Variants in DUSP4 observed in about 807,000 individuals in gnomAD.
DUSP4 encodes dual specificity protein phosphatase 4.
DUSP4 carries 12 observed loss-of-function variants against 27.2 expected under a neutral mutation model. The ratio of observed to expected loss-of-function variants is 0.44; its 90% CI spans 0.28 to 0.71. The LOEUF (loss-of-function observed/expected upper bound fraction) is 0.71, where lower values mean the gene tolerates loss of function less well. DUSP4 is among the 30% of genes least tolerant of loss of function. DUSP4 has a pLI of 0.14. For synonymous variants in DUSP4, 257 were observed against 245.2 expected, an observed-to-expected ratio of 1.05 and a Z score of -0.45; for missense variants, 448 against 551.3, an observed-to-expected ratio of 0.81 and a Z score of 1.88.
chr8:29,334,809 T>G lies in DUSP4; in HGVS notation c.*2217A>C, dbSNP rs1817545876. The G allele has an allele frequency of 6.6e-6, 1 of 152,224 alleles. No homozygotes were observed. Among genetic ancestry groups the G allele is most frequent in the Non-Finnish European group, 1.5e-5 (1 of 68,038 alleles). 9.4% of individuals were successfully genotyped at this position (152,224 alleles called of 1,614,324 possible). A position where few individuals can be genotyped will look rare whatever the true frequency, so the allele number is the denominator to read the frequency against. On this transcript the variant is annotated 3_prime_UTR_variant, in exon 4 of 4. Coordinates refer to ENST00000240100, the MANE Select transcript of DUSP4 (RefSeq NM_001394.7). The stretch of plus-strand genomic sequence containing the variant: ...ATTGTCTGGGAACTGAAACCCTCCA[T>G]GCTTCACCCTGAACTGTTATTTCTA...
At position 29,350,286 on chromosome 8, in the gene DUSP4, G is replaced by A. The variant is rs760791044; in HGVS notation, c.-8C>T. 3.9e-5 allele frequency: 61 copies of A among 1,560,422 alleles called. No individual in the cohort carries two copies. Among genetic ancestry groups the A allele is most frequent in the Non-Finnish European group, 5.0e-5 (58 of 1,153,762 alleles). ...CTCCTCCATCGTCACCATGGTCGCC[G>A]GGAACCGAGGCGGCTGGGCGCGCGA... On this transcript the variant is annotated 5_prime_UTR_variant, in exon 1 of 4. Transcript: ENST00000240100.
rs565113220 is a variant in DUSP4, at chr8:29,340,381, C to T, written c.434-138G>A. 30 of 1,103,710 alleles carry T rather than the reference C, an allele frequency of 2.7e-5. No individual in the cohort carries two copies. In the African/African-American group the frequency reaches 4.1e-4, roughly 15 times the overall value. The allele number at this position is 1,103,710 out of a possible 1,614,324, so 68.4% of individuals were successfully genotyped here. A position where few individuals can be genotyped will look rare whatever the true frequency, so the allele number is the denominator to read the frequency against. ...GCTCCATATTGGCCACTAGGTGGCG[C>T]TGTGGACCTAGAGAATGGCCATGGA... On this transcript the variant is annotated intron_variant, in intron 1 of 3. Transcript: ENST00000240100.
In DUSP4 at chr8:29,335,819, C is replaced by T. The variant is rs1393749402; in HGVS notation, c.*1207G>A. ...TTAGTGTAATATGGCATATTGATCA[C>T]AGACGATAGACAAGTCTTAGGCAGG... On this transcript the variant is annotated 3_prime_UTR_variant, in exon 4 of 4. Transcript: ENST00000240100. The T allele has an allele frequency of 6.6e-6, 1 of 152,216 alleles. No individual in the cohort carries two copies. The highest frequency in any genetic ancestry group is 1.5e-5 in the Non-Finnish European group (1 of 68,042). The allele number at this position is 152,216 out of a possible 1,614,324, so 9.4% of individuals were successfully genotyped here. A position where few individuals can be genotyped will look rare whatever the true frequency, so the allele number is the denominator to read the frequency against.
At chr8:29,347,966 C>A in intron 1 of DUSP4, 1 of 985,514 alleles carries the variant, frequency 1.0e-6, no homozygotes, top group Non-Finnish European at 1.2e-6. Flanking sequence ...CCCTCTCTCC[C>A]CGGGAGCGGG....
chr8:29,339,832 C>A (rs971184655), intron 2 of DUSP4, among the ~76,000 whole-genome samples: 7 of 136,636 alleles, frequency 5.1e-5, no homozygotes, highest in South Asian at 2.8e-4. Context: ...AGCAAGACCC[C>A]CCCCCCCCAT....
chr8:29,345,236 G>T, intron 1 of DUSP4: 1 of 1,074,756 alleles, frequency 9.3e-7, no homozygotes, highest in Non-Finnish European at 1.4e-6. Context: ...GAAAAGTCAT[G>T]CTCTTGCAAG....
rs1170845625 is a variant in DUSP4 at position 29,333,765 on chromosome 8, A to G, written c.*3261T>C. The G allele has an allele frequency of 7.9e-5, 12 of 152,272 alleles. No homozygotes were observed. Among genetic ancestry groups the G allele is most frequent in the Non-Finnish European group, 4.4e-5 (3 of 68,062 alleles). 9.4% of individuals were successfully genotyped at this position (152,272 alleles called of 1,614,324 possible). Reference sequence around the variant, plus strand: ...ACTGGTCTAGGAGAGCCTGGGTATCAGAACTGTATAAGTTCCCCAAGTAAT... The same window carrying G: ...ACTGGTCTAGGAGAGCCTGGGTATCGGAACTGTATAAGTTCCCCAAGTAAT... On this transcript the variant is annotated 3_prime_UTR_variant, in exon 4 of 4. Coordinates refer to ENST00000240100, the MANE Select transcript of DUSP4 (RefSeq NM_001394.7).
intron 1 of DUSP4, chr8:29,345,742 T>C: frequency 7.5e-7 from 1 of 1,336,796 alleles, no homozygotes; most frequent in Non-Finnish European, 9.5e-7. Flanking sequence ...TGTGACGGTC[T>C]AAAGGGTCAA....
intron 1 of DUSP4, chr8:29,348,815 T>TC: frequency 3.0e-6 from 3 of 984,730 alleles, no homozygotes; most frequent in Non-Finnish European, 3.6e-6. Context: ...CCTACCGGGC[T>TC]CGGAAGCGCA....
intron 1 of DUSP4, 89 bp downstream of exon 1, chr8:29,349,757 G>T (rs1817792934): frequency 2.9e-6 from 4 of 1,379,102 alleles, no homozygotes; most frequent in Middle Eastern, 2.7e-4. Context: ...GAATCACGCC[G>T]GGGACTCCTT....
chr8:29,347,147 G>C (rs559396260), intron 1 of DUSP4, among the ~76,000 whole-genome samples: 1 of 152,264 alleles, frequency 6.6e-6, no homozygotes, highest in South Asian at 2.1e-4. Flanking sequence ...TTCTTCCTTT[G>C]CTTCTCAAAA....
In DUSP4 at chr8:29,336,732, T is replaced by A. The variant is rs1817578554; in HGVS notation, c.*294A>T. On this transcript the variant is annotated 3_prime_UTR_variant, in exon 4 of 4. Transcript: ENST00000240100. ...CTTCAAGCCTTACTGCTTAAAAAAA[T>A]GAGGTAAGAAATTTCTATCGGAAAA... 5.9e-6 allele frequency: 2 copies of A among 340,606 alleles called. No homozygotes were observed. The highest frequency in any genetic ancestry group is 8.9e-5 in the Admixed American group (2 of 22,574). 21.1% of individuals were successfully genotyped at this position (340,606 alleles called of 1,614,324 possible).
chr8:29,342,717 T>C (rs1390608415), intron 1 of DUSP4, among the ~76,000 whole-genome samples: 1 of 152,112 alleles, frequency 6.6e-6, no homozygotes, highest in African/African-American at 2.4e-5. Context: ...AAGTGACCCA[T>C]TTGGTGGGGA....
rs376576672 is a variant in DUSP4, at chr8:29,338,283, G to A, written c.798C>T (p.Ile266=). ...SSWFMEAIEY[I]DAVKDCRGRV... is the part of the protein sequence containing the mutation. The stretch of plus-strand genomic sequence containing the variant: ...AACCCCAGAGCAGGGCCAGCCTACC[G>A]ATGTACTCTATGGCTTCCATGAACC... The change falls in exon 3 of 4, where the codon ATC becomes ATT. Residue 266 remains isoleucine, a splice_region_variant and synonymous_variant. Coordinates refer to ENST00000240100, the MANE Select transcript of DUSP4 (RefSeq NM_001394.7). 70 of 1,597,020 alleles carry A rather than the reference G, an allele frequency of 4.4e-5. No individual in the cohort carries two copies. Among genetic ancestry groups the A allele is most frequent in the East Asian group, 1.4e-4 (6 of 43,970 alleles).
chr8:29,349,998 C>A lies in DUSP4; in HGVS notation c.281G>T (p.Arg94Leu). 2.5e-6 allele frequency: 4 copies of A among 1,595,222 alleles called. No homozygotes were observed. Among genetic ancestry groups the A allele is most frequent in the Non-Finnish European group, 3.4e-6 (4 of 1,173,012 alleles). ...EQILPAEEEV[R>L]ARLRSGLYSA... ...GTAGAGGCCGGAGCGCAAGCGGGCG[C>A]GTACCTCCTCCTCGGCGGGCAGGAT... The change falls in exon 1 of 4, where the codon CGC (arginine) becomes CTC (leucine). Residue 94 changes from arginine to leucine, a missense_variant. By Grantham distance (102) the Arg-to-Leu change is moderately radical. Transcript: ENST00000240100.
chr8:29,350,433 T>G lies in DUSP4; in HGVS notation c.-155A>C. 2.3e-6 allele frequency: 2 copies of G among 853,542 alleles called. No homozygotes were observed. Among genetic ancestry groups the G allele is most frequent in the Non-Finnish European group, 3.5e-6 (2 of 579,154 alleles). The allele number at this position is 853,542 out of a possible 1,614,324, so 52.9% of individuals were successfully genotyped here. A position where few individuals can be genotyped will look rare whatever the true frequency, so the allele number is the denominator to read the frequency against. ...AGGGCTCCCGCGGGAGAGCCTCTTC[T>G]TCCCTGTCCCCTTCCTCCCGCAGCC... On this transcript the variant is annotated 5_prime_UTR_variant, in exon 1 of 4. Transcript: ENST00000240100.
At chr8:29,338,976 G>A (rs1034803478) in intron 2 of DUSP4, among the ~76,000 whole-genome samples, 2 of 152,352 alleles carry the variant, frequency 1.3e-5, no homozygotes, top group Admixed American at 6.5e-5. Context: ...AGGATCATGT[G>A]AGCCAGGAGT....
intron 1 of DUSP4, chr8:29,345,530 C>T (rs779053377): frequency 5.8e-6 from 9 of 1,559,632 alleles, no homozygotes; most frequent in African/African-American, 5.6e-5. Context: ...TTCTTCCCAT[C>T]GTGCTTCCTC....
At chr8:29,342,905 C>A (rs62505690) in intron 1 of DUSP4, among the ~76,000 whole-genome samples, 1,641 of 152,304 alleles carry the variant, frequency 0.011, 16 homozygotes, top group Non-Finnish European at 0.018. Flanking sequence ...CGGTGGCTCA[C>A]GCCTGTAATC....
Sources: allele counts gnomAD v4.1 joint callset (sites outside exome capture counted in the v4.1 genomes callset), GRCh38; gene constraint gnomAD v4.1.1; transcripts MANE v1.5; gene names NCBI Gene and HGNC (gene_info 2026-07-23, HGNC 2026-07-21).